JARID2: variants seen among roughly 807,000 people sequenced by gnomAD.
JARID2 encodes the protein jumonji and AT-rich interaction domain containing 2.
A neutral mutation model predicts 125.6 loss-of-function variants in JARID2; 21 were observed. That is an observed-to-expected ratio of 0.17 (90% confidence interval 0.12 to 0.24). The LOEUF (loss-of-function observed/expected upper bound fraction) is 0.24, where lower values mean the gene tolerates loss of function less well. JARID2 is among the 10% of genes least tolerant of loss of function. The probability of loss-of-function intolerance (pLI) is 1.00; values close to 1 mark genes in which losing one functional copy is unlikely to be tolerated. For synonymous variants in JARID2, 736 were observed against 661.6 expected (o/e 1.11, Z -1.73); for missense variants, 1,303 against 1,639.6 (o/e 0.79, Z 3.55).
chr6:15,369,473 C>G (rs1254086214), intron 1 of JARID2, among the ~76,000 whole-genome samples: 1 of 152,142 alleles, frequency 6.6e-6, no homozygotes, highest in Admixed American at 6.5e-5. Context: ...ATTAAGCTGA[C>G]CAGTAAACCA....
intron 1 of JARID2, among the ~76,000 whole-genome samples, chr6:15,307,292 G>A (rs1761865705): frequency 6.6e-6 from 1 of 151,918 alleles, no homozygotes; most frequent in Admixed American, 6.6e-5. Flanking sequence ...GTGCAGTGGC[G>A]CTCACTGCAG....
intron 1 of JARID2, among the ~76,000 whole-genome samples, chr6:15,366,329 C>A (rs1763972038): frequency 6.6e-6 from 1 of 151,758 alleles, no homozygotes; most frequent in Admixed American, 6.6e-5. Context: ...TGTTTTTTTT[C>A]ATTTGCTATT....
At chr6:15,508,935 CGT>C (rs1416184927) in intron 12 of JARID2, 1 of 1,285,354 alleles carries the variant, frequency 7.8e-7, no homozygotes, top group Non-Finnish European at 1.0e-6. Context: ...GAATATAAAC[CGT>C]GGTATTTCAT....
chr6:15,495,995 C>G, intron 6 of JARID2, 137 bp from the exon 7 acceptor site: 1 of 718,414 alleles, frequency 1.4e-6, no homozygotes, highest in South Asian at 1.8e-5. Flanking sequence ...ATTTCCACAT[C>G]TCTTCTTATC....
chr6:15,400,831 T>C (rs1765400990), intron 2 of JARID2: 1 of 1,272,080 alleles, frequency 7.9e-7, no homozygotes, highest in African/African-American at 1.5e-5. Context: ...GCCGCTTGCT[T>C]ATTACGTACA....
chr6:15,248,412 A>G (rs1330013443), intron 1 of JARID2: 1 of 27,260 alleles, frequency 3.7e-5, no homozygotes, highest in Non-Finnish European at 7.2e-5. Flanking sequence ...GGGCGCGGGG[A>G]GGGGAGAGCG....
intron 2 of JARID2, among the ~76,000 whole-genome samples, chr6:15,403,693 A>G (rs561280277): frequency 6.6e-6 from 1 of 152,164 alleles, no homozygotes; most frequent in African/African-American, 2.4e-5. Flanking sequence ...TTCTCAAAAA[A>G]TTGTGCATGC....
chr6:15,249,640 G>T (rs1169286176), intron 1 of JARID2, among the ~76,000 whole-genome samples: 1 of 152,208 alleles, frequency 6.6e-6, no homozygotes, highest in Non-Finnish European at 1.5e-5. Context: ...TACTTGAGCT[G>T]GTGGAAGGCA....
At position 15,254,892 on chromosome 6, in the gene JARID2, G is replaced by A. The variant is rs182705114; in HGVS notation, c.45+8308G>A. Among the ~76,000 whole-genome samples the A allele has an allele frequency of 6.4e-3, 973 of 151,836 alleles. 12 individuals carry two copies. The highest frequency in any genetic ancestry group is 0.023 in the African/African-American group (935 of 41,412). On this transcript the variant is annotated intron_variant, in intron 1 of 17. Transcript: ENST00000341776. ...CCGTCTCTACTAAAAATGCAAAAAA[G>A]TTAGCCAGGCGTGGTGGTGGGCACC...
intron 7 of JARID2, 77 bp downstream of exon 7, chr6:15,497,247 A>T: frequency 1.8e-6 from 2 of 1,135,816 alleles, no homozygotes; most frequent in Non-Finnish European, 2.5e-6. Context: ...CACAGTCTTC[A>T]CGTTCTCTTC....
chr6:15,286,335 C>T (rs996775937), intron 1 of JARID2, among the ~76,000 whole-genome samples: 1 of 150,138 alleles, frequency 6.7e-6, no homozygotes, highest in Non-Finnish European at 1.5e-5. Context: ...TCACTGCAAC[C>T]TCTGCTTCCC....
At chr6:15,396,605 A>G (rs570297860) in intron 2 of JARID2, among the ~76,000 whole-genome samples, 2 of 152,330 alleles carry the variant, frequency 1.3e-5, no homozygotes, top group East Asian at 3.9e-4. Context: ...TTTTGCTTAT[A>G]CATAAATACT....
At chr6:15,277,009 C>G (rs1422724936) in intron 1 of JARID2, among the ~76,000 whole-genome samples, 1 of 152,160 alleles carries the variant, frequency 6.6e-6, no homozygotes, top group East Asian at 1.9e-4. Context: ...AGATGAGACT[C>G]CATTCAAATT....
intron 2 of JARID2, chr6:15,400,941 G>C (rs1001981733): frequency 7.8e-7 from 1 of 1,289,412 alleles, no homozygotes. Flanking sequence ...GCAATGATCC[G>C]GCTCTGAGGA....
intron 1 of JARID2, among the ~76,000 whole-genome samples, chr6:15,318,373 G>T (rs1762246976): frequency 6.6e-6 from 1 of 152,236 alleles, no homozygotes; most frequent in Non-Finnish European, 1.5e-5. Flanking sequence ...GGTGCAGGGG[G>T]ATGAGGCACA....
chr6:15,300,650 A>T (rs1761574363), intron 1 of JARID2, among the ~76,000 whole-genome samples: 1 of 149,836 alleles, frequency 6.7e-6, no homozygotes, highest in Admixed American at 6.6e-5. Context: ...ACTGGACAGT[A>T]GAACCTGTTT....
At chr6:15,343,629 C>T (rs1355261220) in intron 1 of JARID2, among the ~76,000 whole-genome samples, 1 of 152,128 alleles carries the variant, frequency 6.6e-6, no homozygotes, top group Non-Finnish European at 1.5e-5. Context: ...GAAGGGCAGC[C>T]GGTATCCTGT....
intron 1 of JARID2, among the ~76,000 whole-genome samples, chr6:15,369,825 A>G (rs1215159210): frequency 6.6e-6 from 1 of 152,262 alleles, no homozygotes; most frequent in African/African-American, 2.4e-5. Context: ...GAGTTGTTAC[A>G]TGTGTAAGAC....
intron 2 of JARID2, among the ~76,000 whole-genome samples, chr6:15,380,034 G>A (rs11964019): frequency 0.027 from 3,924 of 147,250 alleles, 175 homozygotes; most frequent in African/African-American, 0.091. Context: ...TTTTTTGGTC[G>A]GGGGCCGGGG....
Sources: gnomAD v4.1 joint callset for allele counts (sites outside exome capture counted in the v4.1 genomes callset) on GRCh38, gnomAD v4.1.1 for gene constraint, MANE v1.5 for transcripts, NCBI Gene and HGNC (gene_info 2026-07-23, HGNC 2026-07-21) for gene names.